The following SPECC1 variants were observed in gnomAD, a reference collection of about 807,000 sequenced individuals.
The protein encoded by SPECC1 is sperm antigen with calponin homology and coiled-coil domains 1, also known as cytospin-B.
In SPECC1, 62 loss-of-function variants were observed where a neutral mutation model predicts 104.1. The observed-to-expected ratio is 0.60, with a 90% CI of 0.49 to 0.74. The LOEUF is 0.74. Among genes scored for constraint, SPECC1 ranks in the 30% least tolerant of loss-of-function variants. The pLI, the probability that SPECC1 is intolerant of heterozygous loss-of-function variation, is 0.00. For synonymous variants in SPECC1, 513 were observed against 501.6 expected (o/e 1.02, Z -0.30); for missense variants, 1,306 against 1,310.5 (o/e 1.00, Z 0.05).
At chr17:20,297,429 C>T (rs2041390839) in intron 13 of SPECC1, among the ~76,000 whole-genome samples, 1 of 152,246 alleles carries the variant, frequency 6.6e-6, no homozygotes, top group Non-Finnish European at 1.5e-5. Context: ...CCTGTTAACA[C>T]ATTAAAGACT....
intron 1 of SPECC1, among the ~76,000 whole-genome samples, chr17:20,047,177 T>C (rs976788597): frequency 6.6e-6 from 1 of 152,246 alleles, no homozygotes; most frequent in African/African-American, 2.4e-5. Flanking sequence ...ATGTTGTAAA[T>C]GCTTGTGTTC....
chr17:20,072,037 C>T (rs939954996), intron 1 of SPECC1, among the ~76,000 whole-genome samples: 1 of 152,218 alleles, frequency 6.6e-6, no homozygotes, highest in Non-Finnish European at 1.5e-5. Flanking sequence ...CCAGGTCCCT[C>T]TCCACGGCCA....
At chr17:20,029,225 A>G (rs2044715182) in intron 1 of SPECC1, among the ~76,000 whole-genome samples, 1 of 152,164 alleles carries the variant, frequency 6.6e-6, no homozygotes, top group African/African-American at 2.4e-5. Flanking sequence ...TAAGTTTTGC[A>G]CTTACTTGAA....
At chr17:20,291,806 A>C (rs1299750264) in intron 12 of SPECC1, among the ~76,000 whole-genome samples, 1 of 151,878 alleles carries the variant, frequency 6.6e-6, no homozygotes, top group African/African-American at 2.4e-5. Flanking sequence ...TGGCCTCCCA[A>C]AGTTCTGGGG....
At chr17:20,259,289 A>G (rs1319974756) in intron 11 of SPECC1, among the ~76,000 whole-genome samples, 1 of 152,220 alleles carries the variant, frequency 6.6e-6, no homozygotes, top group Admixed American at 6.5e-5. Flanking sequence ...TTTAAGGACC[A>G]GAATTAGTGC....
At chr17:20,065,055 G>A (rs1473000022) in intron 1 of SPECC1, among the ~76,000 whole-genome samples, 1 of 152,164 alleles carries the variant, frequency 6.6e-6, no homozygotes, top group African/African-American at 2.4e-5. Flanking sequence ...TCAAATTTCA[G>A]ATTTTGTTTA....
intron 3 of SPECC1, among the ~76,000 whole-genome samples, chr17:20,176,107 C>G (rs1342599853): frequency 6.6e-6 from 1 of 152,210 alleles, no homozygotes; most frequent in African/African-American, 2.4e-5. Flanking sequence ...CCTTTATTTA[C>G]TAGCTGTAGG....
Position 20,205,008 on chromosome 17 carries a change from C to T in SPECC1, c.959C>T (p.Thr320Ile), listed in dbSNP as rs1428850686. 1.2e-5 allele frequency: 19 copies of T among 1,614,004 alleles called. No homozygotes were observed. The highest frequency in any genetic ancestry group is 1.6e-5 in the Non-Finnish European group (19 of 1,180,026). The stretch of plus-strand genomic sequence containing the variant: ...TCAGGCTCCTCAAGTAGCGATGTTA[C>T]CAAAGCTTCTTTGTCGCCAGATGCT... ...RTSGSSSSDV[T>I]KASLSPDASD... Residue 320 changes from threonine to isoleucine, a missense_variant, in exon 4 of 15, where the codon ACC becomes ATC. Physicochemically the swap from Thr to Ile is moderately conservative, Grantham distance 89. Transcript: ENST00000395527.
chr17:20,208,948 G>T (rs1314869487), intron 4 of SPECC1, among the ~76,000 whole-genome samples: 3 of 152,106 alleles, frequency 2.0e-5, no homozygotes, highest in African/African-American at 7.2e-5. Context: ...CTGCAGCCAG[G>T]CACCACCATG....
rs568395898 is a variant in SPECC1, at chr17:20,302,183, G to A, written c.3058-3840G>A. The stretch of plus-strand genomic sequence containing the variant: ...ACTCTAGGATTGGCATCTTTCTCCC[G>A]TCGGTTTTGAGTGTGAGGCCCAACG... On this transcript the variant is annotated intron_variant, in intron 13 of 14. Coordinates refer to ENST00000395527, the MANE Select transcript of SPECC1 (RefSeq NM_001243439.2). Among the ~76,000 whole-genome samples, 9 of 152,316 alleles carry A rather than the reference G, an allele frequency of 5.9e-5. 1 individual carries two copies. The South Asian group carries it at 8.3e-4, about 14-fold the overall frequency.
At chr17:20,232,170 T>A in intron 6 of SPECC1, 30 bp from the exon 7 acceptor site, 1 of 1,612,402 alleles carries the variant, frequency 6.2e-7, no homozygotes, top group Non-Finnish European at 8.5e-7. Context: ...GGCAGGCGTC[T>A]GACATAAGGA....
chr17:20,257,514 T>A lies in SPECC1; in HGVS notation c.2744T>A (p.Leu915Gln), dbSNP rs777469446. The change falls in exon 11 of 15, where the codon CTA becomes CAA. Residue 915 changes from leucine to glutamine, a missense_variant. Physicochemically the swap from Leu to Gln is moderately radical, Grantham distance 113 (BLOSUM62 -2). Coordinates refer to ENST00000395527, the MANE Select transcript of SPECC1 (RefSeq NM_001243439.2). Reference protein sequence around the residue: ...PDPHLRKSPSLESLSRPPSLG... With the variant: ...PDPHLRKSPSQESLSRPPSLG... ...CCCCACCTCCGCAAGAGTCCCTCAC[T>A]AGAGTCACTGAGCAGACCCCCGTCT... The A allele has an allele frequency of 1.2e-6, 2 of 1,613,036 alleles. No homozygotes were observed. Among genetic ancestry groups the A allele is most frequent in the South Asian group, 1.1e-5 (1 of 90,852 alleles).
chr17:20,184,105 C>T (rs972150710), intron 3 of SPECC1, among the ~76,000 whole-genome samples: 4 of 147,594 alleles, frequency 2.7e-5, no homozygotes, highest in East Asian at 2.0e-4. Flanking sequence ...CGCTTGAACC[C>T]GGGAAATGGA....
Position 20,316,192 on chromosome 17 carries a change from T to A in SPECC1, c.*2127T>A, listed in dbSNP as rs1350894705. 11 of 231,252 alleles carry A rather than the reference T, an allele frequency of 4.8e-5. No homozygotes were observed. The highest frequency in any genetic ancestry group is 1.1e-4 in the Admixed American group (2 of 17,674). 14.3% of individuals were successfully genotyped at this position (231,252 alleles called of 1,614,324 possible). A position where few individuals can be genotyped will look rare whatever the true frequency, so the allele number is the denominator to read the frequency against. ...ATTTTTTTTTTATTAACCCTGTACT[T>A]CTTCTTTGCCCACCATTAAAGTGGG... On this transcript the variant is annotated 3_prime_UTR_variant, in exon 15 of 15. Coordinates refer to ENST00000395527, the MANE Select transcript of SPECC1 (RefSeq NM_001243439.2).
chr17:20,313,730 A>G (rs1316461238), intron 14 of SPECC1, among the ~76,000 whole-genome samples: 4 of 152,256 alleles, frequency 2.6e-5, no homozygotes, highest in African/African-American at 9.6e-5. Flanking sequence ...TCATATGGTT[A>G]AAAGATAAAA....
intron 2 of SPECC1, among the ~76,000 whole-genome samples, chr17:20,100,395 C>A (rs1439985484): frequency 6.6e-6 from 1 of 152,132 alleles, no homozygotes; most frequent in Admixed American, 6.5e-5. Context: ...GACAAAAAAG[C>A]AAGTAATTTT....
rs75759657 is a variant in SPECC1 at position 20,250,082 on chromosome 17, G to T, written c.2598+2763G>T. ...AGATACCTCAATGTCCAAGGAGGAA[G>T]AGCAAAACTGACATCTTTCTTCTCA... On this transcript the variant is annotated intron_variant, in intron 9 of 14. Transcript: ENST00000395527. 3.3e-5 allele frequency among the ~76,000 whole-genome samples: 5 copies of T among 152,282 alleles called. No homozygotes were observed. The East Asian group carries it at 9.6e-4, about 29-fold the overall frequency.
intron 7 of SPECC1, chr17:20,237,925 A>C: frequency 1.5e-5 from 8 of 519,420 alleles, no homozygotes; most frequent in Non-Finnish European, 1.8e-5. Flanking sequence ...TATTTTTAGT[A>C]GAGATGCAAT....
At chr17:20,275,626 A>C (rs1160811107) in intron 12 of SPECC1, among the ~76,000 whole-genome samples, 1 of 152,220 alleles carries the variant, frequency 6.6e-6, no homozygotes, top group Non-Finnish European at 1.5e-5. Flanking sequence ...GAAAAGTATA[A>C]GAGTGAAGAC....
Sources: allele counts gnomAD v4.1 joint callset (sites outside exome capture counted in the v4.1 genomes callset), GRCh38; gene constraint gnomAD v4.1.1; transcripts MANE v1.5; gene names NCBI Gene and HGNC (gene_info 2026-07-23, HGNC 2026-07-21).